SPIDR: variants seen among roughly 807,000 people sequenced by gnomAD.
SPIDR encodes DNA repair-scaffolding protein.
Under a neutral mutation model 104.6 loss-of-function variants are expected in SPIDR, and 93 were observed. That is an observed-to-expected ratio of 0.89 (90% confidence interval 0.75 to 1.06). The LOEUF is 1.06. Among genes scored for constraint, SPIDR ranks in the 50% least tolerant of loss-of-function variants. SPIDR has a pLI of 0.00. For missense variants in SPIDR, 1,154 were observed against 1,111.2 expected (o/e 1.04, Z -0.55); for synonymous variants, 431 against 416.9 (o/e 1.03, Z -0.41).
intron 8 of SPIDR, among the ~76,000 whole-genome samples, chr8:47,553,619 A>G (rs1792991236): frequency 6.6e-6 from 1 of 151,676 alleles, no homozygotes; most frequent in African/African-American, 2.4e-5. Context: ...TCTTCTCTAC[A>G]CTCTTTATTC....
At chr8:47,311,301 A>T (rs962121719) in intron 5 of SPIDR, among the ~76,000 whole-genome samples, 1 of 152,208 alleles carries the variant, frequency 6.6e-6, no homozygotes, top group Non-Finnish European at 1.5e-5. Context: ...AGCTAGCCTC[A>T]GTGGCTGGTA....
In SPIDR at chr8:47,370,486, G is replaced by A. The variant is rs546120770; in HGVS notation, c.526-25890G>A. On this transcript the variant is annotated intron_variant, in intron 5 of 19. Coordinates refer to ENST00000297423, the MANE Select transcript of SPIDR (RefSeq NM_001080394.4). ...TTTTGAGACGGAGTTTTGCGCTGTCGCCCAGGCTGGAATGCAATGGTGCGA... is the reference window on the plus strand; with the variant it reads ...TTTTGAGACGGAGTTTTGCGCTGTCACCCAGGCTGGAATGCAATGGTGCGA... Among the ~76,000 whole-genome samples, 23 of 129,596 alleles carry A rather than the reference G, an allele frequency of 1.8e-4. No homozygotes were observed. In the East Asian group the frequency reaches 3.8e-3, roughly 22 times the overall value. 85.0% of individuals were successfully genotyped at this position (129,596 alleles called of 152,430 possible).
intron 10 of SPIDR, among the ~76,000 whole-genome samples, chr8:47,661,811 T>C (rs977314215): frequency 6.6e-6 from 1 of 152,240 alleles, no homozygotes; most frequent in African/African-American, 2.4e-5. Context: ...ACTTGTCTTA[T>C]AAAAGGACTC....
chr8:47,608,652 C>T (rs2063257985), intron 10 of SPIDR, among the ~76,000 whole-genome samples: 2 of 152,216 alleles, frequency 1.3e-5, no homozygotes, highest in Admixed American at 6.5e-5. Context: ...CCATGTGTGT[C>T]TGAAGTGGGT....
intron 5 of SPIDR, among the ~76,000 whole-genome samples, chr8:47,337,992 T>C (rs1587258218): frequency 6.6e-6 from 1 of 152,228 alleles, no homozygotes; most frequent in East Asian, 1.9e-4. Flanking sequence ...AATTTTATAA[T>C]AGGTTTTAAA....
chr8:47,452,950 T>C (rs1554707122), intron 8 of SPIDR, among the ~76,000 whole-genome samples: 2 of 152,110 alleles, frequency 1.3e-5, no homozygotes, highest in Non-Finnish European at 2.9e-5. Flanking sequence ...CATGAATATA[T>C]AGTTAGAGGG....
chr8:47,424,967 C>T (rs954073160), intron 7 of SPIDR, among the ~76,000 whole-genome samples: 9 of 152,102 alleles, frequency 5.9e-5, no homozygotes, highest in Non-Finnish European at 1.0e-4. Flanking sequence ...AACCACCTTG[C>T]CCAGACTTTA....
intron 10 of SPIDR, among the ~76,000 whole-genome samples, chr8:47,620,143 A>G (rs993071900): frequency 6.6e-6 from 1 of 152,226 alleles, no homozygotes; most frequent in Non-Finnish European, 1.5e-5. Flanking sequence ...TGCCAGGAGT[A>G]GTCAAGGAAG....
intron 10 of SPIDR, among the ~76,000 whole-genome samples, chr8:47,605,300 C>A (rs1393249129): frequency 6.6e-6 from 1 of 152,182 alleles, no homozygotes; most frequent in Non-Finnish European, 1.5e-5. Flanking sequence ...CACTGAAAAT[C>A]TGTGCCCCAG....
chr8:47,371,124 G>A (rs1403737015), intron 5 of SPIDR, among the ~76,000 whole-genome samples: 3 of 144,882 alleles, frequency 2.1e-5, no homozygotes, highest in African/African-American at 7.7e-5. Flanking sequence ...GATAACACAA[G>A]CAGGTTTTTT....
chr8:47,613,305 C>T (rs528821112), intron 10 of SPIDR, among the ~76,000 whole-genome samples: 2 of 152,344 alleles, frequency 1.3e-5, no homozygotes, highest in Admixed American at 1.3e-4. Context: ...CAAGGCTCAT[C>T]CATGCTGTAG....
intron 5 of SPIDR, among the ~76,000 whole-genome samples, chr8:47,343,890 G>A (rs1554615658): frequency 1.3e-5 from 2 of 152,064 alleles, no homozygotes; most frequent in Non-Finnish European, 2.9e-5. Flanking sequence ...GAAAATGCTT[G>A]TAGGACATTC....
chr8:47,550,374 G>A (rs1301639106), intron 8 of SPIDR, among the ~76,000 whole-genome samples: 8 of 152,102 alleles, frequency 5.3e-5, no homozygotes, highest in Non-Finnish European at 8.8e-5. Context: ...CCATTTTCAC[G>A]ATATTGATTC....
chr8:47,650,806 AC>A (rs1846880196), intron 10 of SPIDR, among the ~76,000 whole-genome samples: 1 of 152,216 alleles, frequency 6.6e-6, no homozygotes, highest in South Asian at 2.1e-4. Flanking sequence ...CCAAATACTT[AC>A]AGTTAATAGG....
intron 8 of SPIDR, among the ~76,000 whole-genome samples, chr8:47,541,052 G>C (rs1477673793): frequency 6.6e-6 from 1 of 152,098 alleles, no homozygotes; most frequent in Non-Finnish European, 1.5e-5. Flanking sequence ...TAGAGGTGGG[G>C]TTTTACCATG....
At position 47,724,717 on chromosome 8, in the gene SPIDR, G is replaced by C. The variant is rs1207968288; in HGVS notation, c.2342-2483G>C. On this transcript the variant is annotated intron_variant, in intron 16 of 19. Coordinates refer to ENST00000297423, the MANE Select transcript of SPIDR (RefSeq NM_001080394.4). ...CTGAATATATTCTGAGCATGGAGCA[G>C]TCACTCACTGAGAGCTGGCAGCATC... Among the ~76,000 whole-genome samples, 3 of 152,202 alleles carry C rather than the reference G, an allele frequency of 2.0e-5. No homozygotes were observed. The East Asian group carries it at 5.8e-4, about 29-fold the overall frequency.
intron 8 of SPIDR, among the ~76,000 whole-genome samples, chr8:47,528,915 A>G (rs2154383548): frequency 1.3e-5 from 2 of 152,342 alleles, no homozygotes; most frequent in African/African-American, 4.8e-5. Context: ...GTTCCAAACC[A>G]CAGATGCAGG....
intron 10 of SPIDR, among the ~76,000 whole-genome samples, chr8:47,641,222 T>C (rs1332863418): frequency 6.6e-6 from 1 of 151,924 alleles, no homozygotes; most frequent in Non-Finnish European, 1.5e-5. Context: ...TGCAGTGACA[T>C]GATCATAGCT....
chr8:47,274,717 C>T (rs1480427346), intron 1 of SPIDR, among the ~76,000 whole-genome samples: 1 of 151,438 alleles, frequency 6.6e-6, no homozygotes, highest in Non-Finnish European at 1.5e-5. Context: ...GCTGTGATTA[C>T]AGGCACCGCG....
Sources: allele counts gnomAD v4.1 joint callset (sites outside exome capture counted in the v4.1 genomes callset), GRCh38; gene constraint gnomAD v4.1.1; transcripts MANE v1.5; gene names NCBI Gene and HGNC (gene_info 2026-07-23, HGNC 2026-07-21).